TESK2: variants seen among roughly 807,000 people sequenced by gnomAD.
TESK2 encodes the protein dual specificity testis-specific protein kinase 2.
TESK2 carries 39 observed loss-of-function variants against 57.1 expected under a neutral mutation model. That is an observed-to-expected ratio of 0.68 (90% CI 0.53 to 0.89). The LOEUF (loss-of-function observed/expected upper bound fraction) is 0.89. Among genes scored for constraint, TESK2 ranks in the 40% least tolerant of loss-of-function variants. The probability of loss-of-function intolerance (pLI) is 0.00; values close to 1 mark genes in which losing one functional copy is unlikely to be tolerated. For synonymous variants in TESK2, 249 were observed against 267.9 expected (o/e 0.93, Z 0.69); for missense variants, 646 against 732.1 (o/e 0.88, Z 1.36).
chr1:45,391,063 G>A (rs942945650), intron 3 of TESK2, among the ~76,000 whole-genome samples: 3 of 151,470 alleles, frequency 2.0e-5, no homozygotes, highest in African/African-American at 7.3e-5. Flanking sequence ...AACTATAGGC[G>A]CATGCCACCA....
At chr1:45,436,178 C>CTTTTTTTT (rs1557573084) in intron 2 of TESK2, among the ~76,000 whole-genome samples, 4 of 12,970 alleles carry the variant, frequency 3.1e-4, no homozygotes, top group Admixed American at 1.2e-3. Flanking sequence ...ACATTGGTAT[C>CTTTTTTTT]TTCTTTTTTT....
In TESK2 at chr1:45,343,927, G is replaced by A; in HGVS notation, c.*913C>T. 2.4e-5 allele frequency: 10 copies of A among 420,278 alleles called. No homozygotes were observed. Among genetic ancestry groups the A allele is most frequent in the South Asian group, 1.8e-4 (3 of 16,898 alleles). The allele number at this position is 420,278 out of a possible 1,614,324, so 26.0% of individuals were successfully genotyped here. A position where few individuals can be genotyped will look rare whatever the true frequency, so the allele number is the denominator to read the frequency against. On this transcript the variant is annotated 3_prime_UTR_variant, in exon 11 of 11. Transcript: ENST00000372086. This position sits in a 1 kb window ranked among gnomAD's most constrained non-coding sequence, Gnocchi z 4.3. ...ATTTTTAAGTCTGAAAATGTCTTGG[G>A]AAAGTTTTACAAAAAAAAAAATCAA...
intron 2 of TESK2, among the ~76,000 whole-genome samples, chr1:45,451,268 G>C (rs960654279): frequency 3.3e-5 from 5 of 152,220 alleles, no homozygotes; most frequent in Non-Finnish European, 7.3e-5. Flanking sequence ...TGAAGTGGGA[G>C]TGGGCTGGAC....
chr1:45,394,783 T>C (rs1351475148), intron 3 of TESK2, among the ~76,000 whole-genome samples: 2 of 142,232 alleles, frequency 1.4e-5, no homozygotes, highest in African/African-American at 5.2e-5. Context: ...CTCTGCCTCC[T>C]GAGTTCAAGC....
chr1:45,345,238 G>A lies in TESK2; in HGVS notation c.1318C>T (p.Leu440=), dbSNP rs1325233900. Residue 440 remains leucine (L), a synonymous_variant, in exon 11 of 11, where the codon CTG becomes TTG. Coordinates refer to ENST00000372086, the MANE Select transcript of TESK2 (RefSeq NM_007170.3). The part of the protein sequence containing the change: ...LDAPGPGTMP[L]ADWQEPLAPP... The stretch of plus-strand genomic sequence containing the variant: ...GCCAGGGGCTCCTGCCAGTCAGCCA[G>A]GGGCATAGTTCCGGGCCCTGGTGCA... 6.2e-7 allele frequency: 1 copy of A among 1,614,102 alleles called. No homozygotes were observed. Among genetic ancestry groups the A allele is most frequent in the African/African-American group, 1.3e-5 (1 of 74,930 alleles).
chr1:45,446,722 C>T (rs1181773571), intron 2 of TESK2, among the ~76,000 whole-genome samples: 1 of 151,952 alleles, frequency 6.6e-6, no homozygotes, highest in Non-Finnish European at 1.5e-5. Context: ...CAGGTTCTGC[C>T]CAGGGTAAAG....
intron 1 of TESK2, among the ~76,000 whole-genome samples, chr1:45,476,254 C>T (rs1451533672): frequency 2.0e-5 from 3 of 152,154 alleles, no homozygotes; most frequent in African/African-American, 7.2e-5. Context: ...CACCTGTAAT[C>T]CCAGCACTTT....
At chr1:45,400,126 T>A (rs985340340) in intron 3 of TESK2, among the ~76,000 whole-genome samples, 2 of 152,142 alleles carry the variant, frequency 1.3e-5, no homozygotes, top group African/African-American at 4.8e-5. Context: ...AGAGAGATTA[T>A]CCTGGATTAT....
At chr1:45,353,039 C>T (rs914921283) in intron 5 of TESK2, among the ~76,000 whole-genome samples, 4 of 152,144 alleles carry the variant, frequency 2.6e-5, no homozygotes, top group Non-Finnish European at 4.4e-5. Context: ...GCTGGGATTA[C>T]AGGCACCTGC....
chr1:45,427,605 GCAA>G (rs1160473881), intron 2 of TESK2, among the ~76,000 whole-genome samples: 1 of 152,194 alleles, frequency 6.6e-6, no homozygotes, highest in Non-Finnish European at 1.5e-5. Context: ...CCTGTCATTT[GCAA>G]CAACATGGGT....
chr1:45,406,547 G>T (rs1488130191), intron 3 of TESK2, among the ~76,000 whole-genome samples: 2 of 152,024 alleles, frequency 1.3e-5, no homozygotes, highest in Non-Finnish European at 2.9e-5. Context: ...ACCAGCTGTT[G>T]TGAAGGCTGA....
chr1:45,353,758 C>T (rs1227457470), intron 5 of TESK2, among the ~76,000 whole-genome samples: 3 of 152,164 alleles, frequency 2.0e-5, no homozygotes, highest in South Asian at 2.1e-4. Flanking sequence ...AATAATCAAA[C>T]GGTACTATTT....
At chr1:45,356,485 G>A (rs1380107094) in intron 4 of TESK2, among the ~76,000 whole-genome samples, 1 of 151,994 alleles carries the variant, frequency 6.6e-6, no homozygotes, top group African/African-American at 2.4e-5. Context: ...AGAATTAGCT[G>A]GACGTGATGG....
chr1:45,383,816 G>C (rs763679289), intron 4 of TESK2, among the ~76,000 whole-genome samples: 16 of 151,856 alleles, frequency 1.1e-4, no homozygotes, highest in Non-Finnish European at 1.9e-4. Context: ...TCACTTCCAA[G>C]AAAAAAAATA....
intron 2 of TESK2, among the ~76,000 whole-genome samples, chr1:45,445,737 C>T (rs1228306723): frequency 6.6e-6 from 1 of 151,608 alleles, no homozygotes; most frequent in Admixed American, 6.6e-5. Context: ...CAAGGCCACA[C>T]TAAGCCATGA....
At chr1:45,462,233 T>C (rs1652361295) in intron 1 of TESK2, among the ~76,000 whole-genome samples, 1 of 152,054 alleles carries the variant, frequency 6.6e-6, no homozygotes, top group African/African-American at 2.4e-5. Flanking sequence ...TAACATGATG[T>C]CCTCAAGTTC....
chr1:45,390,642 C>T (rs1168391683), intron 3 of TESK2, among the ~76,000 whole-genome samples: 3 of 150,354 alleles, frequency 2.0e-5, no homozygotes, highest in Non-Finnish European at 4.4e-5. Flanking sequence ...GTGGTGTGAT[C>T]ACTGCTCATT....
chr1:45,420,817 T>C (rs1388439940), intron 3 of TESK2, among the ~76,000 whole-genome samples: 2 of 151,930 alleles, frequency 1.3e-5, no homozygotes, highest in Non-Finnish European at 2.9e-5. Context: ...CTCAATCTCC[T>C]GACCTCATGA....
intron 2 of TESK2, among the ~76,000 whole-genome samples, chr1:45,422,651 C>T (rs929989038): frequency 1.6e-4 from 24 of 149,850 alleles, no homozygotes; most frequent in African/African-American, 5.4e-4. Context: ...ACCATGTTGG[C>T]CAGGCTGGTC....
Sources: gnomAD v4.1 joint callset for allele counts (sites outside exome capture counted in the v4.1 genomes callset) on GRCh38, gnomAD v4.1.1 for gene constraint, Gnocchi (gnomAD v3.1) non-coding constraint, MANE v1.5 for transcripts, NCBI Gene and HGNC (gene_info 2026-07-23, HGNC 2026-07-21) for gene names.